Variants in LRRIQ1 observed in about 807,000 individuals in gnomAD.
The protein encoded by LRRIQ1 is leucine-rich repeat- and IQ domain-containing protein 1.
Under a neutral mutation model 211.9 loss-of-function variants are expected in LRRIQ1, and 210 were observed. That is an observed-to-expected ratio of 0.99 (90% CI 0.89 to 1.11). The LOEUF (loss-of-function observed/expected upper bound fraction) is 1.11. LRRIQ1 is among the 50% of genes most tolerant of loss of function. The pLI is 0.00. For missense variants in LRRIQ1, 2,136 were observed against 1,939.5 expected (o/e 1.10, Z -1.90); for synonymous variants, 699 against 650.1 (o/e 1.08, Z -1.14).
intron 6 of LRRIQ1, 87 bp downstream of exon 6, chr12:85,047,557 C>A: frequency 3.5e-6 from 4 of 1,127,030 alleles, no homozygotes; most frequent in Non-Finnish European, 5.2e-6. Flanking sequence ...GCAGATTGAG[C>A]TTAATAGTAT....
At chr12:85,101,693 T>G (rs1886354886) in intron 13 of LRRIQ1, among the ~76,000 whole-genome samples, 2 of 151,760 alleles carry the variant, frequency 1.3e-5, no homozygotes, top group Admixed American at 1.3e-4. Flanking sequence ...GTTATAAAGG[T>G]GAATGAGTAG....
chr12:85,245,116 T>C, downstream of LRRIQ1: 1 of 1,157,290 alleles, frequency 8.6e-7, no homozygotes, highest in Non-Finnish European at 1.2e-6. Context: ...CTGCATCAGT[T>C]TTTATTTTAA....
intron 24 of LRRIQ1, among the ~76,000 whole-genome samples, chr12:85,194,693 A>G (rs1245901170): frequency 4.6e-5 from 7 of 152,200 alleles, no homozygotes; most frequent in African/African-American, 1.7e-4. Flanking sequence ...GGAAATTTAT[A>G]GCACTAAGTG....
At chr12:85,038,764 C>A (rs1878499941) in intron 2 of LRRIQ1, among the ~76,000 whole-genome samples, 1 of 151,410 alleles carries the variant, frequency 6.6e-6, no homozygotes, top group East Asian at 1.9e-4. Context: ...TTGAAAATCT[C>A]CTGCACATAT....
chr12:85,242,329 A>G (rs532610004), intron 26 of LRRIQ1, among the ~76,000 whole-genome samples: 2 of 152,106 alleles, frequency 1.3e-5, no homozygotes, highest in Non-Finnish European at 2.9e-5. Flanking sequence ...AAAAATAACA[A>G]TACAACAATA....
chr12:85,047,259 T>A lies in LRRIQ1; in HGVS notation c.467T>A (p.Ile156Lys), dbSNP rs757036599. ...DEHVLPDDADINFGYCEVEEK... is the reference protein window; with the variant it reads ...DEHVLPDDADKNFGYCEVEEK... Reference sequence around the variant, plus strand: ...TTCATGAGTGCAGATGATGCTGATATAAATTTTGGATACTGTGAAGTGGAA... The same window carrying A: ...TTCATGAGTGCAGATGATGCTGATAAAAATTTTGGATACTGTGAAGTGGAA... Residue 156 changes from isoleucine to lysine, a missense_variant, in exon 6 of 27, where the codon ATA becomes AAA. Transcript: ENST00000393217. 1.3e-6 allele frequency: 2 copies of A among 1,590,256 alleles called. No homozygotes were observed. Among genetic ancestry groups the A allele is most frequent in the African/African-American group, 2.7e-5 (2 of 73,206 alleles).
intron 1 of LRRIQ1, among the ~76,000 whole-genome samples, chr12:85,260,122 T>G (rs1246847103): frequency 7.9e-6 from 1 of 125,812 alleles, no homozygotes; most frequent in East Asian, 2.0e-4. Context: ...TTACTTTTCA[T>G]GTTGGTTAAA....
chr12:85,103,461 C>T (rs1886539304), intron 13 of LRRIQ1, among the ~76,000 whole-genome samples: 1 of 151,596 alleles, frequency 6.6e-6, no homozygotes, highest in Non-Finnish European at 1.5e-5. Context: ...TACTATAATA[C>T]TTTCAATTAG....
At chr12:85,110,769 A>G (rs1310701126) in intron 15 of LRRIQ1, among the ~76,000 whole-genome samples, 1 of 152,110 alleles carries the variant, frequency 6.6e-6, no homozygotes, top group Admixed American at 6.6e-5. Context: ...AAGAAAAGTA[A>G]GGAAGGTCAG....
chr12:85,116,449 C>T (rs1224707671), intron 15 of LRRIQ1, among the ~76,000 whole-genome samples: 1 of 152,022 alleles, frequency 6.6e-6, no homozygotes, highest in Non-Finnish European at 1.5e-5. Context: ...CGGCCGGGTT[C>T]TTATTCTTTA....
At chr12:85,082,993 C>T (rs978297482) in intron 11 of LRRIQ1, among the ~76,000 whole-genome samples, 1 of 152,090 alleles carries the variant, frequency 6.6e-6, no homozygotes, top group African/African-American at 2.4e-5. Flanking sequence ...AGCTACAAAC[C>T]TATGGGAGTG....
chr12:85,104,024 T>G lies in LRRIQ1; in HGVS notation c.3230T>G (p.Leu1077Arg), dbSNP rs769394847. 8 of 1,569,422 alleles carry G rather than the reference T, an allele frequency of 5.1e-6. No individual in the cohort carries two copies. The South Asian group carries it at 9.6e-5, about 19-fold the overall frequency. ...SQNSLTKIVPLFHFVSLEKLD... is the reference protein window; with the variant it reads ...SQNSLTKIVPRFHFVSLEKLD... ...TTCAGCTTGACTAAAATCGTACCAC[T>G]TTTTCATTTTGTTTCATTGGAAAAG... The change falls in exon 14 of 27, where the codon CTT becomes CGT. Residue 1077 changes from leucine (L) to arginine (R), a missense_variant. Physicochemically the swap from Leu to Arg is moderately radical, Grantham distance 102. Transcript: ENST00000393217.
At chr12:85,097,170 G>A (rs1006899664) in intron 11 of LRRIQ1, among the ~76,000 whole-genome samples, 1 of 152,068 alleles carries the variant, frequency 6.6e-6, no homozygotes, top group African/African-American at 2.4e-5. Flanking sequence ...CTGCTATAAA[G>A]AACAACCTGA....
chr12:85,059,660 C>T (rs1881550220), intron 8 of LRRIQ1, among the ~76,000 whole-genome samples: 1 of 151,944 alleles, frequency 6.6e-6, no homozygotes, highest in African/African-American at 2.4e-5. Flanking sequence ...TAATGACTTT[C>T]ATTACCTGAT....
chr12:85,125,865 T>G (rs1404479364), intron 17 of LRRIQ1, among the ~76,000 whole-genome samples: 1 of 152,076 alleles, frequency 6.6e-6, no homozygotes, highest in Non-Finnish European at 1.5e-5. Flanking sequence ...TGATAGTAAG[T>G]AAGGAAGAAG....
At chr12:85,052,773 C>A (rs946259306) in intron 7 of LRRIQ1, among the ~76,000 whole-genome samples, 1 of 151,938 alleles carries the variant, frequency 6.6e-6, no homozygotes, top group Admixed American at 6.5e-5. Flanking sequence ...TATAAACCCG[C>A]TCCTGCAAAA....
At chr12:85,185,242 A>G (rs1327688148) in intron 24 of LRRIQ1, among the ~76,000 whole-genome samples, 1 of 151,964 alleles carries the variant, frequency 6.6e-6, no homozygotes, top group African/African-American at 2.4e-5. Context: ...ACTATTGCCA[A>G]TTCCACACTT....
At chr12:85,256,823 A>G (rs1435513143) in intron 1 of LRRIQ1, among the ~76,000 whole-genome samples, 2 of 150,722 alleles carry the variant, frequency 1.3e-5, no homozygotes, top group Admixed American at 1.3e-4. Flanking sequence ...AAGATTTTAA[A>G]TTAAATTTTT....
At chr12:85,161,698 C>T (rs933843553) in intron 24 of LRRIQ1, among the ~76,000 whole-genome samples, 6 of 152,108 alleles carry the variant, frequency 3.9e-5, no homozygotes, top group African/African-American at 1.4e-4. Flanking sequence ...GAAATGCCTA[C>T]TGAAGTATGT....
Sources: allele counts gnomAD v4.1 joint callset (sites outside exome capture counted in the v4.1 genomes callset), GRCh38; gene constraint gnomAD v4.1.1; transcripts MANE v1.5; gene names NCBI Gene and HGNC (gene_info 2026-07-23, HGNC 2026-07-21).